NRG1: variants seen among roughly 807,000 people sequenced by gnomAD.
The protein encoded by NRG1 is pro-neuregulin-1, membrane-bound isoform.
A neutral mutation model predicts 63.8 loss-of-function variants in NRG1; 18 were observed. The ratio of observed to expected loss-of-function variants is 0.28; its 90% confidence interval spans 0.19 to 0.42. The LOEUF is 0.42. Ranked by LOEUF, NRG1 falls within the 10% of genes least tolerant of loss-of-function variation. The probability of loss-of-function intolerance (pLI) is 1.00; values close to 1 mark genes in which losing one functional copy is unlikely to be tolerated. For missense variants in NRG1, 762 were observed against 814.7 expected (o/e 0.94, Z 0.79); for synonymous variants, 302 against 301.3 (o/e 1.00, Z -0.02).
At chr8:32,101,478 ATTT>A (rs35098830) in intron 1 of NRG1, among the ~76,000 whole-genome samples, 68,691 of 140,158 alleles carry the variant, frequency 0.49, 16,851 homozygotes, top group Admixed American at 0.55. Context: ...TAGAAAGCAG[ATTT>A]TTTTTTTTTT....
intron 1 of NRG1, among the ~76,000 whole-genome samples, chr8:31,979,177 C>T (rs1279474079): frequency 1.3e-5 from 2 of 152,100 alleles, no homozygotes; most frequent in Non-Finnish European, 1.5e-5. Flanking sequence ...CTCTCCCATG[C>T]CCCAGGATTT....
intron 1 of NRG1, among the ~76,000 whole-genome samples, chr8:31,855,020 C>T (rs1321683964): frequency 1.3e-5 from 2 of 152,112 alleles, no homozygotes; most frequent in African/African-American, 4.8e-5. Context: ...CTGAGGAGAG[C>T]TTTACCTCCA....
chr8:32,355,257 A>G (rs1210474902), intron 1 of NRG1, among the ~76,000 whole-genome samples: 1 of 152,094 alleles, frequency 6.6e-6, no homozygotes, highest in Admixed American at 6.6e-5. Context: ...TCAGGAGTTC[A>G]AAACCAGCCT....
intron 1 of NRG1, among the ~76,000 whole-genome samples, chr8:32,532,085 T>C (rs1181467740): frequency 6.6e-6 from 1 of 152,174 alleles, no homozygotes; most frequent in East Asian, 1.9e-4. Context: ...ACCTTCTCTT[T>C]TGTGGAGACC....
chr8:31,916,472 G>C (rs573279172), intron 1 of NRG1, among the ~76,000 whole-genome samples: 1 of 152,170 alleles, frequency 6.6e-6, no homozygotes, highest in East Asian at 1.9e-4. Context: ...TTTTGTTCTT[G>C]CAATAGTTTA....
intron 2 of NRG1, among the ~76,000 whole-genome samples, chr8:32,604,451 T>G (rs1844911563): frequency 6.6e-6 from 1 of 152,200 alleles, no homozygotes. Context: ...GTGGGAGATT[T>G]GCAACCAGAA....
chr8:31,917,588 A>T (rs1438330642), intron 1 of NRG1, among the ~76,000 whole-genome samples: 1 of 152,116 alleles, frequency 6.6e-6, no homozygotes, highest in Admixed American at 6.6e-5. Flanking sequence ...TACCAGTACC[A>T]TGCTGTTTTG....
intron 1 of NRG1, among the ~76,000 whole-genome samples, chr8:32,372,521 T>G (rs188685033): frequency 1.3e-5 from 2 of 152,306 alleles, no homozygotes; most frequent in East Asian, 3.9e-4. Flanking sequence ...AATACAGCTG[T>G]GCTATTTGGT....
At chr8:32,526,873 T>C (rs985307117) in intron 1 of NRG1, among the ~76,000 whole-genome samples, 6 of 152,218 alleles carry the variant, frequency 3.9e-5, no homozygotes, top group African/African-American at 1.2e-4. Context: ...TTCTTCCTTT[T>C]GGAGGGCTAA....
At chr8:31,826,557 A>G (rs1014470249) in intron 1 of NRG1, among the ~76,000 whole-genome samples, 1 of 152,120 alleles carries the variant, frequency 6.6e-6, no homozygotes, top group Non-Finnish European at 1.5e-5. Flanking sequence ...TTTATAAATT[A>G]CCAAGTCTTG....
chr8:32,071,716 G>A (rs149612665), intron 1 of NRG1, among the ~76,000 whole-genome samples: 361 of 152,230 alleles, frequency 2.4e-3, no homozygotes, highest in African/African-American at 8.1e-3. Flanking sequence ...TCTCAAGCAG[G>A]TGCAGTGGTG....
intron 5 of NRG1, among the ~76,000 whole-genome samples, chr8:32,715,406 G>A (rs1818921754): frequency 6.6e-6 from 1 of 152,098 alleles, no homozygotes; most frequent in Non-Finnish European, 1.5e-5. Context: ...TCAGTCTGTA[G>A]TATAATGCTA....
Position 31,890,706 on chromosome 8 carries a change from AAAAACATAAAC to A in NRG1, c.37+251279_37+251289del, listed in dbSNP as rs567526713. ...TAAGATCCTAAAGATTTTGAAAAAG[AAAAACATAAAC>A]AAACATTCTATCATAGGAATGACAA... is the stretch of plus-strand genomic sequence containing the variant. On this transcript the variant is annotated intron_variant, in intron 1 of 10. Transcript: ENST00000519301. Among the ~76,000 whole-genome samples, 20 of 152,360 alleles carry A rather than the reference AAAAACATAAAC, an allele frequency of 1.3e-4. No individual in the cohort carries two copies. In the East Asian group the frequency reaches 3.7e-3, roughly 28 times the overall value.
intron 1 of NRG1, among the ~76,000 whole-genome samples, chr8:32,516,189 C>T (rs572593528): frequency 2.8e-4 from 43 of 152,210 alleles, no homozygotes; most frequent in African/African-American, 7.9e-4. Context: ...TTATTTTTGT[C>T]GACTTTGTCA....
intron 5 of NRG1, among the ~76,000 whole-genome samples, chr8:32,698,497 G>A (rs1263847662): frequency 1.3e-5 from 2 of 152,192 alleles, no homozygotes; most frequent in East Asian, 1.9e-4. Flanking sequence ...CAGCATTAAG[G>A]TGTTTCAATA....
At chr8:32,132,390 A>T (rs1341429222) in intron 1 of NRG1, among the ~76,000 whole-genome samples, 1 of 152,048 alleles carries the variant, frequency 6.6e-6, no homozygotes, top group South Asian at 2.1e-4. Flanking sequence ...TAATTTCCAA[A>T]AAGGTGTGAG....
chr8:32,749,558 C>T (rs762384369), intron 7 of NRG1: 1 of 1,613,780 alleles, frequency 6.2e-7, no homozygotes, highest in South Asian at 1.1e-5. Context: ...TCTGCATTGG[C>T]AGAGCATCTT....
Position 32,605,695 on chromosome 8 carries a change from C to T in NRG1, c.400+12C>T. The T allele has an allele frequency of 6.2e-7, 1 of 1,611,634 alleles. No individual in the cohort carries two copies. Among genetic ancestry groups the T allele is most frequent in the Non-Finnish European group, 8.5e-7 (1 of 1,178,514 alleles). The stretch of plus-strand genomic sequence containing the variant: ...CGTGGAATCAAACGGTAAGAGATAC[C>T]TACGGTATTCTGTTCCTCAATCTGT... On this transcript the variant is annotated intron_variant, in intron 3 of 11. Coordinates refer to ENST00000356819, the Ensembl canonical transcript of NRG1.
chr8:32,411,247 A>G (rs1162838147), intron 1 of NRG1, among the ~76,000 whole-genome samples: 1 of 152,206 alleles, frequency 6.6e-6, no homozygotes, highest in East Asian at 1.9e-4. Context: ...GTTCATACTT[A>G]TTCAAGGCTA....
Sources: allele counts gnomAD v4.1 joint callset (sites outside exome capture counted in the v4.1 genomes callset), GRCh38; gene constraint gnomAD v4.1.1; transcripts MANE v1.5; gene names NCBI Gene and HGNC (gene_info 2026-07-23, HGNC 2026-07-21).